Variants in LRRFIP2 observed in about 807,000 individuals in gnomAD.
The protein encoded by LRRFIP2 is leucine-rich repeat flightless-interacting protein 2.
In LRRFIP2, 109 loss-of-function variants were observed where a neutral mutation model predicts 125.9. That is an observed-to-expected ratio of 0.87 (90% CI 0.74 to 1.01). The LOEUF (loss-of-function observed/expected upper bound fraction) is 1.01. Among genes scored for constraint, LRRFIP2 ranks in the 50% least tolerant of loss-of-function variants. The probability of loss-of-function intolerance (pLI) is 0.00; values close to 1 mark genes in which losing one functional copy is unlikely to be tolerated. For missense variants in LRRFIP2, 850 were observed against 862.3 expected, an observed-to-expected ratio of 0.99 and a Z score of 0.18; for synonymous variants, 291 against 293.1, an observed-to-expected ratio of 0.99 and a Z score of 0.07.
In LRRFIP2 at chr3:37,083,641, A is replaced by AT; in HGVS notation, c.1272dup (p.Ser425IlefsTer12). The AT allele has an allele frequency of 6.4e-7, 1 of 1,556,248 alleles. No homozygotes were observed. Among genetic ancestry groups the AT allele is most frequent in the Non-Finnish European group, 8.6e-7 (1 of 1,160,448 alleles). On this transcript the variant is annotated frameshift_variant, in exon 19 of 28. Coordinates refer to ENST00000336686, the MANE Select transcript of LRRFIP2 (RefSeq NM_006309.4). LOFTEE classifies it high-confidence loss of function. ...AAATACAAGATAAGCATTACCTTTG[A>AT]TTTTTCTTCATTTTCTCTATAAAAT... is the stretch of plus-strand genomic sequence containing the variant.
intron 2 of LRRFIP2, among the ~76,000 whole-genome samples, chr3:37,145,356 A>G (rs1171411938): frequency 6.6e-6 from 1 of 152,232 alleles, no homozygotes; most frequent in Admixed American, 6.5e-5. Flanking sequence ...ACAAAAAGTA[A>G]AACTTTGGAT....
chr3:37,067,400 C>A (rs1313539718), intron 21 of LRRFIP2: 1 of 152,192 alleles, frequency 6.6e-6, no homozygotes, highest in Non-Finnish European at 1.5e-5. Flanking sequence ...ATGCAGGAAT[C>A]TGATTACTGG....
rs779235952 is a variant in LRRFIP2 at position 37,127,643 on chromosome 3, A to G, written c.215T>C (p.Ile72Thr). 1.8e-5 allele frequency: 29 copies of G among 1,613,874 alleles called. No individual in the cohort carries two copies. Among genetic ancestry groups the G allele is most frequent in the Non-Finnish European group, 2.5e-5 (29 of 1,179,912 alleles). ...LHSFDRKWGQ[I>T]QKWLEDSERA... Reference sequence around the variant, plus strand: ...ATACTGGCCTACCAGCCACTTCTGAATCTGTCCCCACTTCCGATCAAAGGA... The same window carrying G: ...ATACTGGCCTACCAGCCACTTCTGAGTCTGTCCCCACTTCCGATCAAAGGA... The change falls in exon 4 of 28, where the codon ATT becomes ACT. Residue 72 changes from isoleucine (I) to threonine (T), a missense_variant. Ile to Thr is a moderately conservative substitution (Grantham distance 89). Coordinates refer to ENST00000336686, the MANE Select transcript of LRRFIP2 (RefSeq NM_006309.4).
chr3:37,161,896 AAAC>A (rs2096356344), intron 1 of LRRFIP2, among the ~76,000 whole-genome samples: 1 of 151,962 alleles, frequency 6.6e-6, no homozygotes, highest in East Asian at 1.9e-4. Context: ...GAGAAAGAGA[AAAC>A]AGGCTGGGTG....
At chr3:37,106,563 C>G (rs2094334110) in intron 13 of LRRFIP2, among the ~76,000 whole-genome samples, 1 of 152,196 alleles carries the variant, frequency 6.6e-6, no homozygotes. Flanking sequence ...GTCCCAGCTA[C>G]TCAGGAGGCT....
At chr3:37,109,606 A>G in intron 10 of LRRFIP2, 35 bp from the exon 11 acceptor site, 1 of 1,614,052 alleles carries the variant, frequency 6.2e-7, no homozygotes, top group East Asian at 2.2e-5. Flanking sequence ...CCCCAAAAAA[A>G]GCAACTGGTA....
chr3:37,082,493 C>T (rs951940055), intron 19 of LRRFIP2, among the ~76,000 whole-genome samples: 4 of 152,208 alleles, frequency 2.6e-5, no homozygotes, highest in South Asian at 2.1e-4. Flanking sequence ...TGGTACATTT[C>T]GTTCTATCAC....
chr3:37,065,531 C>A (rs7639375), intron 23 of LRRFIP2: 223,027 of 566,262 alleles, frequency 0.39, 46,794 homozygotes, highest in Non-Finnish European at 0.45. Flanking sequence ...CTTTGCAGAA[C>A]AGTTTGTAGT....
At chr3:37,142,765 G>T (rs1478248701) in intron 2 of LRRFIP2, among the ~76,000 whole-genome samples, 2 of 152,124 alleles carry the variant, frequency 1.3e-5, no homozygotes, top group Non-Finnish European at 2.9e-5. Context: ...TTTTGTTGGG[G>T]AAAAGAATAA....
chr3:37,076,478 T>C (rs1305456589), intron 19 of LRRFIP2, among the ~76,000 whole-genome samples: 1 of 151,840 alleles, frequency 6.6e-6, no homozygotes, highest in Non-Finnish European at 1.5e-5. Flanking sequence ...TAGTGAGCCA[T>C]GATGGTGCCA....
intron 22 of LRRFIP2, 127 bp from the exon 23 acceptor site, chr3:37,066,069 A>G: frequency 1.5e-6 from 2 of 1,368,356 alleles, no homozygotes; most frequent in South Asian, 2.5e-5. Flanking sequence ...CATGAAATAT[A>G]GCTCTGTGTA....
intron 1 of LRRFIP2, among the ~76,000 whole-genome samples, chr3:37,152,807 T>G (rs1460576632): frequency 1.3e-5 from 2 of 152,200 alleles, no homozygotes; most frequent in South Asian, 2.1e-4. Context: ...ATAAGCAACA[T>G]GCAATGCAAT....
chr3:37,104,544 A>T (rs1393192532), intron 14 of LRRFIP2, among the ~76,000 whole-genome samples: 1 of 152,202 alleles, frequency 6.6e-6, no homozygotes, highest in Admixed American at 6.5e-5. Flanking sequence ...ATAATCTTTC[A>T]CATAACTCAT....
chr3:37,158,593 C>T (rs1039713536), intron 1 of LRRFIP2, among the ~76,000 whole-genome samples: 16 of 138,222 alleles, frequency 1.2e-4, no homozygotes, highest in Non-Finnish European at 2.0e-4. Context: ...GGTAACAGAG[C>T]AAGACTCCTC....
intron 18 of LRRFIP2, among the ~76,000 whole-genome samples, chr3:37,089,763 C>A (rs79784180): frequency 0.016 from 2,388 of 151,904 alleles, 70 homozygotes; most frequent in African/African-American, 0.052. Flanking sequence ...TCCTGATACA[C>A]TGTTACACAT....
intron 25 of LRRFIP2, among the ~76,000 whole-genome samples, chr3:37,055,996 T>C (rs2086742963): frequency 6.6e-6 from 1 of 152,262 alleles, no homozygotes; most frequent in Admixed American, 6.5e-5. Flanking sequence ...CCTTGCTGTA[T>C]TTTATTTGCA....
Position 37,058,794 on chromosome 3 carries a change from C to T in LRRFIP2, c.1866G>A (p.Met622Ile). The part of the protein sequence containing the change: ...QNGSDLQFIE[M>I]QRDANRQISE... ...GGCCTGTCCCCTGGTACCTACTCTG[C>T]ATTTCGATGAACTGCAAGTCTGAGC... The change falls in exon 25 of 28, where the codon ATG becomes ATA. Residue 622 changes from methionine to isoleucine, a missense_variant. Transcript: ENST00000336686. The T allele has an allele frequency of 6.2e-7, 1 of 1,614,000 alleles. No homozygotes were observed. Among genetic ancestry groups the T allele is most frequent in the Admixed American group, 1.7e-5 (1 of 60,006 alleles).
intron 2 of LRRFIP2, among the ~76,000 whole-genome samples, chr3:37,147,692 G>C (rs564613244): frequency 6.6e-6 from 1 of 152,314 alleles, no homozygotes; most frequent in South Asian, 2.1e-4. Context: ...CAAAGAGGAA[G>C]TGATATGGTA....
At chr3:37,088,276 T>C (rs2093207142) in intron 18 of LRRFIP2, among the ~76,000 whole-genome samples, 1 of 152,218 alleles carries the variant, frequency 6.6e-6, no homozygotes, top group Admixed American at 6.5e-5. Flanking sequence ...GACTTACCCC[T>C]ACAGTCTATT....
Sources: allele counts gnomAD v4.1 joint callset (sites outside exome capture counted in the v4.1 genomes callset), GRCh38; gene constraint gnomAD v4.1.1; transcripts MANE v1.5; gene names NCBI Gene and HGNC (gene_info 2026-07-23, HGNC 2026-07-21).